The following MYH9 variants were observed in gnomAD, a reference collection of about 807,000 sequenced individuals.
MYH9 encodes the protein myosin heavy chain 9.
A neutral mutation model predicts 241.9 loss-of-function variants in MYH9; 29 were observed. The ratio of observed to expected loss-of-function variants is 0.12; its 90% CI spans 0.09 to 0.16. The LOEUF (loss-of-function observed/expected upper bound fraction) is 0.16. Ranked by LOEUF, MYH9 falls within the 10% of genes least tolerant of loss-of-function variation. The pLI, the probability that MYH9 is intolerant of heterozygous loss-of-function variation, is 1.00. For synonymous variants in MYH9, 1,047 were observed against 1,062.6 expected (o/e 0.99, Z 0.29); for missense variants, 1,803 against 2,595.5 (o/e 0.69, Z 6.63).
chr22:36,292,474 G>A lies in MYH9; in HGVS notation c.4096-240C>T, dbSNP rs568223272. 4.6e-5 allele frequency among the ~76,000 whole-genome samples: 7 copies of A among 152,208 alleles called. No individual in the cohort carries two copies. The East Asian group carries it at 7.7e-4, about 17-fold the overall frequency. On this transcript the variant is annotated intron_variant, in intron 30 of 40. Coordinates refer to ENST00000216181, the MANE Select transcript of MYH9 (RefSeq NM_002473.6). The stretch of plus-strand genomic sequence containing the variant: ...CCGGGGGAGGCTGACCCCCAGGCCC[G>A]CTGTGGGGGCTCCCAGCCCACATCC...
Position 36,305,413 on chromosome 22 carries a change from C to T in MYH9, c.2160-311G>A, listed in dbSNP as rs573344310. Among the ~76,000 whole-genome samples, 25 of 152,318 alleles carry T rather than the reference C, an allele frequency of 1.6e-4. No individual in the cohort carries two copies. In the South Asian group the frequency reaches 2.3e-3, roughly 14 times the overall value. ...GAGATCCTCATCTGTCACCCAGGGACAGCCATGTTCACACAGCTTCCCTGG... is the reference window on the plus strand; with the variant it reads ...GAGATCCTCATCTGTCACCCAGGGATAGCCATGTTCACACAGCTTCCCTGG... On this transcript the variant is annotated intron_variant, in intron 17 of 40. Transcript: ENST00000216181. This position sits in a 1 kb window ranked among gnomAD's most constrained non-coding sequence, Gnocchi z 4.7.
At chr22:36,357,389 C>T (rs1327499481) in intron 1 of MYH9, among the ~76,000 whole-genome samples, 1 of 152,144 alleles carries the variant, frequency 6.6e-6, no homozygotes, top group Non-Finnish European at 1.5e-5. Flanking sequence ...AACGATGCCA[C>T]GGCACTATGG....
At chr22:36,348,779 T>C in intron 2 of MYH9, 125 bp downstream of exon 2, 1 of 918,226 alleles carries the variant, frequency 1.1e-6, no homozygotes, top group Non-Finnish European at 1.7e-6. Context: ...CCAGCACTCC[T>C]TCAAGCCCCC....
At chr22:36,327,415 C>G in intron 4 of MYH9, 46 bp downstream of exon 4, 1 of 1,611,856 alleles carries the variant, frequency 6.2e-7, no homozygotes, top group Non-Finnish European at 8.5e-7. Context: ...AGAATGAGAA[C>G]AGACTGGGGT....
At chr22:36,316,398 C>A in intron 12 of MYH9, 119 bp downstream of exon 12, 1 of 1,470,560 alleles carries the variant, frequency 6.8e-7, no homozygotes, top group Non-Finnish European at 9.5e-7. Flanking sequence ...AGTCTTCATG[C>A]AAAGGAGATG....
At chr22:36,386,427 G>T (rs541928907) in intron 1 of MYH9, among the ~76,000 whole-genome samples, 17 of 152,238 alleles carry the variant, frequency 1.1e-4, no homozygotes, top group Non-Finnish European at 2.2e-4. Flanking sequence ...ACCAAAAAGG[G>T]ACTCCTAAGC....
chr22:36,322,543 A>G (rs2017271374), intron 5 of MYH9, 22 bp from the exon 6 acceptor site: 1 of 1,612,790 alleles, frequency 6.2e-7, no homozygotes, highest in African/African-American at 1.3e-5. Flanking sequence ...CCAGGGACGC[A>G]GTGAAGGCCG....
At chr22:36,354,462 T>C (rs776452079) in intron 1 of MYH9, among the ~76,000 whole-genome samples, 2 of 150,250 alleles carry the variant, frequency 1.3e-5, no homozygotes. Flanking sequence ...TATTTTTTTT[T>C]GAGATGGAGT....
chr22:36,323,440 CCT>C (rs1165817163), intron 5 of MYH9, among the ~76,000 whole-genome samples: 1 of 152,264 alleles, frequency 6.6e-6, no homozygotes, highest in African/African-American at 2.4e-5. Flanking sequence ...CCCCTTAATG[CCT>C]GAGTGCCCTC....
chr22:36,284,371 T>C, intron 39 of MYH9, 32 bp downstream of exon 39: 1 of 1,609,446 alleles, frequency 6.2e-7, no homozygotes. Flanking sequence ...CCAGCCCCGC[T>C]GCCCTTCTCA....
intron 6 of MYH9, among the ~76,000 whole-genome samples, 164 bp downstream of exon 6, chr22:36,322,265 C>T (rs769551601): frequency 6.6e-6 from 1 of 152,236 alleles, no homozygotes; most frequent in African/African-American, 2.4e-5. Flanking sequence ...CAGGTCCACA[C>T]CAACTGGCAT....
At chr22:36,365,988 A>G (rs879913766) in intron 1 of MYH9, among the ~76,000 whole-genome samples, 2 of 152,112 alleles carry the variant, frequency 1.3e-5, no homozygotes, top group Admixed American at 1.3e-4. Context: ...CAGGAGTTCA[A>G]GACAGCCTGG....
chr22:36,335,917 A>C (rs1315073898), intron 3 of MYH9, among the ~76,000 whole-genome samples: 1 of 152,184 alleles, frequency 6.6e-6, no homozygotes, highest in Non-Finnish European at 1.5e-5. Context: ...AGATACACAA[A>C]AATTCTACCC....
rs114268057 is a variant in MYH9, at chr22:36,282,531, G to T, written c.*137C>A. On this transcript the variant is annotated 3_prime_UTR_variant, in exon 41 of 41. Coordinates refer to ENST00000216181, the MANE Select transcript of MYH9 (RefSeq NM_002473.6). ...ACAACACCTGGAGGGAAACGGGATG[G>T]GGGGACGGGGCGGAGGGCAGGAGGA... 6,123 of 858,772 alleles carry T rather than the reference G, an allele frequency of 7.1e-3. 242 individuals are homozygous for T. The African/African-American group carries it at 0.086, about 12-fold the overall frequency. The allele number at this position is 858,772 out of a possible 1,614,324, so 53.2% of individuals were successfully genotyped here.
Position 36,285,192 on chromosome 22 carries a change from C to T in MYH9, c.5412G>A (p.Lys1804=), listed in dbSNP as rs1230836986. The change falls in exon 38 of 41, where the codon AAG becomes AAA. Residue 1804 remains lysine (K), a synonymous_variant. Transcript: ENST00000216181. This position sits in a 1 kb window ranked among gnomAD's most constrained non-coding sequence, Gnocchi z 7.0. The part of the protein sequence containing the change: ...LQEMEGTVKS[K]YKASITALEA... ...CGAGGGCGGTGATGGAGGCCTTGTACTTGGACTTGACAGTGCCCTCCATCT... is the reference window on the plus strand; with the variant it reads ...CGAGGGCGGTGATGGAGGCCTTGTATTTGGACTTGACAGTGCCCTCCATCT... The T allele has an allele frequency of 1.2e-6, 2 of 1,614,222 alleles. No homozygotes were observed. The highest frequency in any genetic ancestry group is 1.7e-6 in the Non-Finnish European group (2 of 1,180,038).
intron 13 of MYH9, 35 bp from the exon 14 acceptor site, chr22:36,312,257 A>G: frequency 6.2e-7 from 1 of 1,610,518 alleles, no homozygotes; most frequent in Non-Finnish European, 8.5e-7. Context: ...AGGTGAGTGC[A>G]CCCTGGGAGG....
At position 36,285,303 on chromosome 22, in the gene MYH9, G is replaced by T. The variant is rs966637024; in HGVS notation, c.5301C>A (p.Asn1767Lys). ...TCTTCTGGGCGTGGCTGCGCTCCAG[G>T]TTCAGGTCGGTGTTGATCTGGTCGA... ...LQIDQINTDL[N>K]LERSHAQKNE... is the part of the protein sequence containing the mutation. Residue 1767 changes from asparagine (N) to lysine (K), a missense_variant, in exon 38 of 41, where the codon AAC becomes AAA. By Grantham distance (94) the Asn-to-Lys change is moderately conservative. This residue lies in a region of MYH9 where 876 missense variants were observed against 1,077.8 expected (regional missense o/e 0.81). Transcript: ENST00000216181. This position sits in a 1 kb window ranked among gnomAD's most constrained non-coding sequence, Gnocchi z 7.0. 1 of 1,612,086 alleles carries T rather than the reference G, an allele frequency of 6.2e-7. No individual in the cohort carries two copies.
At chr22:36,292,786 A>G (rs374026858) in intron 30 of MYH9, among the ~76,000 whole-genome samples, 3 of 152,360 alleles carry the variant, frequency 2.0e-5, no homozygotes, top group African/African-American at 7.2e-5. Flanking sequence ...TAGAGAGGCC[A>G]AGGGACTCCT....
intron 3 of MYH9, among the ~76,000 whole-genome samples, chr22:36,338,846 C>A (rs1289721291): frequency 6.6e-6 from 1 of 151,646 alleles, no homozygotes; most frequent in Admixed American, 6.6e-5. Context: ...AAAAAGAAAT[C>A]GCCCACCTAC....
Sources: gnomAD v4.1 joint callset for allele counts (sites outside exome capture counted in the v4.1 genomes callset) on GRCh38, gnomAD v4.1.1 for gene constraint, gnomAD v4.1.1 regional missense constraint, Gnocchi (gnomAD v3.1) non-coding constraint, MANE v1.5 for transcripts, NCBI Gene and HGNC (gene_info 2026-07-23, HGNC 2026-07-21) for gene names.